UBAC2: variants seen among roughly 807,000 people sequenced by gnomAD.
UBAC2 encodes the protein UBA domain containing 2, also known as ubiquitin-associated domain-containing protein 2.
A neutral mutation model predicts 44.0 loss-of-function variants in UBAC2; 26 were observed. That is an observed-to-expected ratio of 0.59 (90% CI 0.43 to 0.82). The LOEUF (loss-of-function observed/expected upper bound fraction) is 0.82. Ranked by LOEUF, UBAC2 falls within the 40% of genes least tolerant of loss-of-function variation. UBAC2 has a pLI of 0.00. For synonymous variants in UBAC2, 155 were observed against 154.3 expected (o/e 1.00, Z -0.04); for missense variants, 329 against 419.4 (o/e 0.78, Z 1.88).
chr13:99,372,902 C>T (rs1593982932), intron 8 of UBAC2, among the ~76,000 whole-genome samples: 1 of 152,112 alleles, frequency 6.6e-6, no homozygotes, highest in South Asian at 2.1e-4. Context: ...ATCACGAGGT[C>T]AGGAGATCGA....
At chr13:99,327,229 A>T (rs971342831) in intron 6 of UBAC2, among the ~76,000 whole-genome samples, 1 of 152,218 alleles carries the variant, frequency 6.6e-6, no homozygotes, top group Admixed American at 6.5e-5. Context: ...AGGATAATTT[A>T]AAGTATATTA....
Position 99,314,082 on chromosome 13 carries a change from T to A in UBAC2, c.390-15T>A, listed in dbSNP as rs949700370. ...ATTCACTATTATAGTGATTTTTTTT[T>A]ATTTGTTTGCATAGCCTGGCACCTG... On this transcript the variant is annotated splice_polypyrimidine_tract_variant and intron_variant, in intron 4 of 8. Transcript: ENST00000403766. The A allele has an allele frequency of 1.9e-5, 31 of 1,593,664 alleles. No homozygotes were observed. Among genetic ancestry groups the A allele is most frequent in the African/African-American group, 2.7e-5 (2 of 73,802 alleles).
chr13:99,361,484 G>T (rs1480205984), intron 7 of UBAC2, among the ~76,000 whole-genome samples: 1 of 152,178 alleles, frequency 6.6e-6, no homozygotes, highest in African/African-American at 2.4e-5. Flanking sequence ...TCACTCTCTT[G>T]TAAGAAATGA....
chr13:99,306,063 CTT>C (rs1594109805), intron 4 of UBAC2, among the ~76,000 whole-genome samples: 1 of 151,994 alleles, frequency 6.6e-6, no homozygotes. Context: ...GCCTGGCTAA[CTT>C]TTATATTTTT....
intron 8 of UBAC2, among the ~76,000 whole-genome samples, chr13:99,368,532 A>G (rs1424650095): frequency 6.6e-6 from 1 of 152,200 alleles, no homozygotes; most frequent in African/African-American, 2.4e-5. Flanking sequence ...TAGCAATTCT[A>G]AAATTATGCT....
chr13:99,251,553 G>A (rs892690067), intron 4 of UBAC2, among the ~76,000 whole-genome samples: 3 of 152,140 alleles, frequency 2.0e-5, no homozygotes, highest in African/African-American at 7.2e-5. Context: ...GAATTTGAAA[G>A]CATTCCATAC....
rs1457463696 is a variant in UBAC2 at position 99,244,699 on chromosome 13, AAGTC to A, written c.389+79_389+82del. 5 of 875,756 alleles carry A rather than the reference AAGTC, an allele frequency of 5.7e-6. No individual in the cohort carries two copies. In the East Asian group the frequency reaches 1.1e-4, roughly 19 times the overall value. The allele number at this position is 875,756 out of a possible 1,614,324, so 54.2% of individuals were successfully genotyped here. ...TTAAAGTGTTATTATTATTATGTGAAAGTCAGTAAAATAATATTTTAAACTTCTA... is the reference window on the plus strand; with the variant it reads ...TTAAAGTGTTATTATTATTATGTGAAAGTAAAATAATATTTTAAACTTCTA... On this transcript the variant is annotated intron_variant, in intron 4 of 8. Coordinates refer to ENST00000403766, the MANE Select transcript of UBAC2 (RefSeq NM_001144072.2).
At chr13:99,347,125 A>G (rs2044996039) in intron 7 of UBAC2, among the ~76,000 whole-genome samples, 1 of 152,072 alleles carries the variant, frequency 6.6e-6, no homozygotes, top group South Asian at 2.1e-4. Flanking sequence ...TTTAAAGAAA[A>G]AAAAAGATCT....
intron 7 of UBAC2, 92 bp downstream of exon 7, chr13:99,340,657 T>G (rs2044872313): frequency 7.2e-7 from 1 of 1,391,404 alleles, no homozygotes; most frequent in East Asian, 2.3e-5. Flanking sequence ...AGAGACTACA[T>G]TTTATTCCAG....
chr13:99,375,247 A>T (rs879861780), intron 8 of UBAC2, among the ~76,000 whole-genome samples: 7 of 151,296 alleles, frequency 4.6e-5, no homozygotes, highest in Non-Finnish European at 1.0e-4. Flanking sequence ...GTCTGTAATA[A>T]CCAGAAACCT....
chr13:99,339,053 A>G (rs1051231299), intron 6 of UBAC2, among the ~76,000 whole-genome samples: 1 of 151,730 alleles, frequency 6.6e-6, no homozygotes, highest in Non-Finnish European at 1.5e-5. Flanking sequence ...GTTACCCTAA[A>G]TGTCATATCA....
intron 7 of UBAC2, among the ~76,000 whole-genome samples, chr13:99,365,668 A>G (rs1032303171): frequency 6.6e-6 from 1 of 152,204 alleles, no homozygotes; most frequent in African/African-American, 2.4e-5. Context: ...AATATTTCAT[A>G]TAGGATCTAG....
At chr13:99,309,169 G>A (rs542515640) in intron 4 of UBAC2, among the ~76,000 whole-genome samples, 48 of 152,018 alleles carry the variant, frequency 3.2e-4, no homozygotes, top group Admixed American at 1.4e-3. Flanking sequence ...GGAGTGCAGG[G>A]GTGTGCTGTC....
In UBAC2 at chr13:99,308,999, T is replaced by C. The variant is rs541418298; in HGVS notation, c.390-5098T>C. ...TTTTCAGTTTGTTGAAAGACCATTC[T>C]GGTGGGGTTTTGCCTGTTAATTTTG... is the stretch of plus-strand genomic sequence containing the variant. On this transcript the variant is annotated intron_variant, in intron 4 of 8. Transcript: ENST00000403766. Among the ~76,000 whole-genome samples the C allele has an allele frequency of 2.0e-5, 3 of 152,354 alleles. No individual in the cohort carries two copies. In the East Asian group the frequency reaches 5.8e-4, roughly 29 times the overall value.
At chr13:99,206,450 G>A (rs1051761840) in intron 1 of UBAC2, among the ~76,000 whole-genome samples, 6 of 152,302 alleles carry the variant, frequency 3.9e-5, no homozygotes, top group Admixed American at 2.0e-4. Context: ...GGAATCACGC[G>A]TCCCGCAGCC....
rs1446809740 is a variant in UBAC2, at chr13:99,266,207, TATTAC to T, written c.389+21586_389+21590del. Among the ~76,000 whole-genome samples the T allele has an allele frequency of 1.9e-4, 29 of 151,722 alleles. No homozygotes were observed. The East Asian group carries it at 3.7e-3, about 19-fold the overall frequency. On this transcript the variant is annotated intron_variant, in intron 4 of 8. Transcript: ENST00000403766. ...TTACTTTATGAATATTTCTATATTA[TATTAC>T]ATAATACTATATAATATGTAGCTTT...
chr13:99,222,406 T>A (rs536443630), intron 1 of UBAC2, among the ~76,000 whole-genome samples: 1 of 152,276 alleles, frequency 6.6e-6, no homozygotes, highest in East Asian at 1.9e-4. Flanking sequence ...AGGAGCAAAG[T>A]AGCACACATA....
At chr13:99,257,380 G>A (rs1400126046) in intron 4 of UBAC2, among the ~76,000 whole-genome samples, 5 of 152,022 alleles carry the variant, frequency 3.3e-5, no homozygotes, top group African/African-American at 1.2e-4. Context: ...TTTTGTATTT[G>A]TTTTTCTTTT....
At chr13:99,336,923 C>T (rs1378693397) in intron 6 of UBAC2, among the ~76,000 whole-genome samples, 2 of 152,020 alleles carry the variant, frequency 1.3e-5, no homozygotes, top group Non-Finnish European at 2.9e-5. Flanking sequence ...CTTCCCACCT[C>T]TCTTCCTCCT....
Sources: allele counts gnomAD v4.1 joint callset (sites outside exome capture counted in the v4.1 genomes callset), GRCh38; gene constraint gnomAD v4.1.1; transcripts MANE v1.5; gene names NCBI Gene and HGNC (gene_info 2026-07-23, HGNC 2026-07-21).